The following NUP98 variants were observed in gnomAD, a reference collection of about 807,000 sequenced individuals.
The protein encoded by NUP98 is nucleoporin 98 and 96 precursor.
NUP98 carries 26 observed loss-of-function variants against 191.9 expected under a neutral mutation model. The observed-to-expected ratio is 0.14, with a 90% CI of 0.10 to 0.19. The LOEUF (loss-of-function observed/expected upper bound fraction) is 0.19. Among genes scored for constraint, NUP98 ranks in the 10% least tolerant of loss-of-function variants. The pLI, the probability that NUP98 is intolerant of heterozygous loss-of-function variation, is 1.00. For synonymous variants in NUP98, 808 were observed against 778.4 expected (o/e 1.04, Z -0.63); for missense variants, 1,941 against 2,178.8 (o/e 0.89, Z 2.17).
intron 18 of NUP98, among the ~76,000 whole-genome samples, chr11:3,716,076 T>G (rs1049898009): frequency 6.6e-6 from 1 of 152,228 alleles, no homozygotes; most frequent in East Asian, 1.9e-4. Context: ...GTTTTCAGTT[T>G]GATATAGTGT....
rs775802174 is a variant in NUP98 at position 3,762,927 on chromosome 11, T to C, written c.1061A>G (p.Asn354Ser). ...CGAACCAACAGCACCAAATCCAGTA[T>C]TGGTCTGCCCAAAGAGACCTGTTCC... is the stretch of plus-strand genomic sequence containing the variant. The part of the protein sequence containing the change: ...GTGTGLFGQT[N>S]TGFGAVGSTL... Residue 354 changes from asparagine to serine, a missense_variant, in exon 9 of 33, where the codon AAT becomes AGT. Transcript: ENST00000324932. 15 of 1,614,158 alleles carry C rather than the reference T, an allele frequency of 9.3e-6. No individual in the cohort carries two copies. Among genetic ancestry groups the C allele is most frequent in the Admixed American group, 3.3e-5 (2 of 60,018 alleles).
intron 1 of NUP98, among the ~76,000 whole-genome samples, chr11:3,783,048 A>G (rs2082028167): frequency 6.6e-6 from 1 of 152,150 alleles, no homozygotes; most frequent in South Asian, 2.1e-4. Flanking sequence ...ATGGTCCCCT[A>G]CTTATCTATC....
chr11:3,712,329 G>T (rs948048996), intron 20 of NUP98: 2 of 1,314,382 alleles, frequency 1.5e-6, no homozygotes, highest in African/African-American at 1.5e-5. Context: ...GTTTAAAAAT[G>T]ACAATCTGTA....
chr11:3,743,880 T>G (rs2080387577), intron 12 of NUP98, among the ~76,000 whole-genome samples: 1 of 151,072 alleles, frequency 6.6e-6, no homozygotes, highest in Non-Finnish European at 1.5e-5. Context: ...GGTGAAACCC[T>G]GTCTCTGCTC....
At chr11:3,683,697 C>G (rs1164867216) in intron 29 of NUP98, among the ~76,000 whole-genome samples, 1 of 92,116 alleles carries the variant, frequency 1.1e-5, no homozygotes, top group African/African-American at 3.2e-5. Context: ...TGCCACCACA[C>G]CCCGCTAATT....
chr11:3,704,589 G>A (rs1028556652), intron 22 of NUP98, among the ~76,000 whole-genome samples: 2 of 152,230 alleles, frequency 1.3e-5, no homozygotes, highest in Non-Finnish European at 2.9e-5. Flanking sequence ...TGGGAAGTCA[G>A]AGCTTACTAT....
At chr11:3,767,443 T>A (rs1400290890) in intron 8 of NUP98, among the ~76,000 whole-genome samples, 1 of 151,732 alleles carries the variant, frequency 6.6e-6, no homozygotes, top group Non-Finnish European at 1.5e-5. Context: ...GCTATTCTTG[T>A]GCCTCAGCCT....
intron 16 of NUP98, chr11:3,721,062 G>A (rs1205649087): frequency 1.1e-5 from 3 of 272,954 alleles, no homozygotes; most frequent in East Asian, 6.8e-5. Context: ...ACATCAAAGA[G>A]TCTAAAACTT....
chr11:3,775,435 C>T (rs1001124056), intron 5 of NUP98, among the ~76,000 whole-genome samples: 1 of 151,694 alleles, frequency 6.6e-6, no homozygotes, highest in Non-Finnish European at 1.5e-5. Context: ...ACTCAGGAGG[C>T]GGAGGCAGGA....
chr11:3,776,544 C>T (rs536620449), intron 4 of NUP98, among the ~76,000 whole-genome samples: 2 of 149,318 alleles, frequency 1.3e-5, no homozygotes, highest in East Asian at 2.0e-4. Context: ...AGTGCAGTGG[C>T]GTGATCTCAG....
intron 1 of NUP98, among the ~76,000 whole-genome samples, chr11:3,783,885 A>T (rs985150501): frequency 7.3e-5 from 11 of 150,744 alleles, no homozygotes; most frequent in East Asian, 3.9e-4. Context: ...ATGATCAATT[A>T]AAAAAAAATA....
chr11:3,738,152 G>A (rs1228913081), intron 12 of NUP98, among the ~76,000 whole-genome samples: 1 of 147,880 alleles, frequency 6.8e-6, no homozygotes, highest in Non-Finnish European at 1.5e-5. Context: ...AAGTGCATGA[G>A]CATGATTTTA....
chr11:3,742,928 CTATT>C (rs2080337951), intron 12 of NUP98, among the ~76,000 whole-genome samples: 1 of 152,238 alleles, frequency 6.6e-6, no homozygotes, highest in East Asian at 1.9e-4. Flanking sequence ...AAAGATCTGA[CTATT>C]CATTCTATTT....
chr11:3,779,197 T>C lies in NUP98; in HGVS notation c.137A>G (p.Asn46Ser), dbSNP rs751009807. The C allele has an allele frequency of 5.6e-6, 9 of 1,614,122 alleles. No homozygotes were observed. The South Asian group carries it at 6.6e-5, about 12-fold the overall frequency. The change falls in exon 3 of 33, where the codon AAC becomes AGC. Residue 46 changes from asparagine (N) to serine (S), a missense_variant. Asn to Ser is a conservative substitution (Grantham distance 46). Transcript: ENST00000324932. ...ATTTCCAAAGAGGCCTCCAGTATTG[T>C]TGCTAGAACCAAATGCAGATGTTCC... is the stretch of plus-strand genomic sequence containing the variant. Reference protein sequence around the residue: ...AFGTSAFGSSNNTGGLFGNSQ... With the variant: ...AFGTSAFGSSSNTGGLFGNSQ...
At position 3,730,510 on chromosome 11, in the gene NUP98, G is replaced by A. The variant is rs575588059; in HGVS notation, c.1730+881C>T. Among the ~76,000 whole-genome samples the A allele has an allele frequency of 8.6e-5, 13 of 151,852 alleles. No individual in the cohort carries two copies. In the East Asian group the frequency reaches 9.7e-4, roughly 11 times the overall value. On this transcript the variant is annotated intron_variant, in intron 14 of 32. Coordinates refer to ENST00000324932, the MANE Select transcript of NUP98 (RefSeq NM_016320.5). The stretch of plus-strand genomic sequence containing the variant: ...CAGCTGGGATTACAGAATTACAGAC[G>A]CACGCAGCCATGCCCAGCTAATTTT...
intron 13 of NUP98, among the ~76,000 whole-genome samples, 186 bp from the exon 14 acceptor site, chr11:3,731,764 T>A (rs2079862287): frequency 6.6e-6 from 1 of 152,210 alleles, no homozygotes; most frequent in Non-Finnish European, 1.5e-5. Flanking sequence ...GTATCCCTCA[T>A]CCAAAATGCT....
At chr11:3,788,281 T>C (rs1009749989) in intron 1 of NUP98, among the ~76,000 whole-genome samples, 1 of 152,170 alleles carries the variant, frequency 6.6e-6, no homozygotes, top group Non-Finnish European at 1.5e-5. Context: ...AAGAGTATAT[T>C]AGCTTTGGTG....
intron 12 of NUP98, among the ~76,000 whole-genome samples, chr11:3,743,039 G>C (rs1481690830): frequency 1.3e-5 from 2 of 151,448 alleles, no homozygotes; most frequent in African/African-American, 4.9e-5. Context: ...TTTTTGTTGA[G>C]ACGGACTCCC....
intron 2 of NUP98, among the ~76,000 whole-genome samples, chr11:3,780,654 A>G (rs571815855): frequency 6.6e-6 from 1 of 152,048 alleles, no homozygotes; most frequent in South Asian, 2.1e-4. Flanking sequence ...AAGAATCCTT[A>G]GCCCAGTGCC....
Sources: allele counts gnomAD v4.1 joint callset (sites outside exome capture counted in the v4.1 genomes callset), GRCh38; gene constraint gnomAD v4.1.1; transcripts MANE v1.5; gene names NCBI Gene and HGNC (gene_info 2026-07-23, HGNC 2026-07-21).